The following PTPRG variants were observed in gnomAD, a reference collection of about 807,000 sequenced individuals.
PTPRG encodes protein tyrosine phosphatase receptor type G, also known as receptor-type tyrosine-protein phosphatase gamma.
A neutral mutation model predicts 165.3 loss-of-function variants in PTPRG; 102 were observed. The observed-to-expected ratio is 0.62, with a 90% CI of 0.53 to 0.73. The LOEUF (loss-of-function observed/expected upper bound fraction) is 0.73, where lower values mean the gene tolerates loss of function less well. Among genes scored for constraint, PTPRG ranks in the 30% least tolerant of loss-of-function variants. The pLI, the probability that PTPRG is intolerant of heterozygous loss-of-function variation, is 0.00. For synonymous variants in PTPRG, 675 were observed against 669.5 expected (o/e 1.01, Z -0.13); for missense variants, 1,866 against 1,861.4 (o/e 1.00, Z -0.05).
At chr3:62,100,050 G>C (rs1448398137) in intron 5 of PTPRG, among the ~76,000 whole-genome samples, 3 of 151,810 alleles carry the variant, frequency 2.0e-5, no homozygotes, top group African/African-American at 7.3e-5. Flanking sequence ...TCCCACCTTG[G>C]CCTCCCAAAG....
intron 1 of PTPRG, among the ~76,000 whole-genome samples, chr3:61,641,985 T>C (rs112233699): frequency 6.6e-6 from 1 of 152,100 alleles, no homozygotes; most frequent in Non-Finnish European, 1.5e-5. Flanking sequence ...CCCCCCAGCC[T>C]CCTCATCTGG....
At chr3:61,766,843 C>A (rs1025121115) in intron 2 of PTPRG, among the ~76,000 whole-genome samples, 1 of 151,774 alleles carries the variant, frequency 6.6e-6, no homozygotes, top group African/African-American at 2.4e-5. Context: ...TGGTCTCAAA[C>A]TCCTGATCTC....
chr3:62,075,893 G>C (rs911036027), intron 4 of PTPRG, among the ~76,000 whole-genome samples: 3 of 152,066 alleles, frequency 2.0e-5, no homozygotes, highest in Non-Finnish European at 2.9e-5. Context: ...TTTTCTGTAA[G>C]GAGTACCATC....
Position 62,001,435 on chromosome 3 carries a change from C to T in PTPRG, c.371-1914C>T, listed in dbSNP as rs114090908. On this transcript the variant is annotated intron_variant, in intron 3 of 29. Transcript: ENST00000474889. ...AACAGATGCAATCAAAACGTTTTGC[C>T]TTCGTCCTGTGGATGCAAAATGTTA... 4.9e-3 allele frequency among the ~76,000 whole-genome samples: 750 copies of T among 152,210 alleles called. 5 individuals are homozygous for T. The highest frequency in any genetic ancestry group is 0.016 in the African/African-American group (683 of 41,538).
At chr3:61,964,405 C>G (rs989464523) in intron 2 of PTPRG, among the ~76,000 whole-genome samples, 11 of 152,130 alleles carry the variant, frequency 7.2e-5, no homozygotes, top group Non-Finnish European at 1.5e-4. Context: ...AGATGGTTCT[C>G]TCAGCACTGT....
chr3:61,792,501 C>G (rs997246025), intron 2 of PTPRG, among the ~76,000 whole-genome samples: 12 of 152,232 alleles, frequency 7.9e-5, no homozygotes, highest in African/African-American at 2.9e-4. Flanking sequence ...GGCTTTACTT[C>G]TCCGTTGAGC....
intron 24 of PTPRG, 89 bp downstream of exon 24, chr3:62,276,055 G>C: frequency 1.1e-6 from 1 of 948,246 alleles, no homozygotes; most frequent in Non-Finnish European, 1.6e-6. Context: ...GCTATTGATA[G>C]CACCCTTCAA....
At chr3:62,215,965 C>T (rs983635209) in intron 12 of PTPRG, among the ~76,000 whole-genome samples, 4 of 152,102 alleles carry the variant, frequency 2.6e-5, no homozygotes, top group African/African-American at 7.2e-5. Flanking sequence ...CGCCTGTAAT[C>T]CCAGCACTTT....
chr3:61,879,738 A>G (rs1300130913), intron 2 of PTPRG, among the ~76,000 whole-genome samples: 1 of 152,170 alleles, frequency 6.6e-6, no homozygotes, highest in Non-Finnish European at 1.5e-5. Flanking sequence ...AATTGCTGTA[A>G]CTAGAACCTC....
chr3:61,907,093 T>C (rs1309891986), intron 2 of PTPRG, among the ~76,000 whole-genome samples: 3 of 152,284 alleles, frequency 2.0e-5, no homozygotes, highest in East Asian at 3.9e-4. Context: ...GGGTAACATA[T>C]TCTGTCACAG....
At chr3:62,037,024 A>G (rs1467087546) in intron 4 of PTPRG, among the ~76,000 whole-genome samples, 1 of 151,376 alleles carries the variant, frequency 6.6e-6, no homozygotes, top group East Asian at 1.9e-4. Context: ...TCCCTGATGT[A>G]CAAAAGCCAC....
intron 1 of PTPRG, among the ~76,000 whole-genome samples, chr3:61,656,877 C>T (rs1702523152): frequency 6.6e-6 from 1 of 152,178 alleles, no homozygotes. Context: ...TTGTTTCAGG[C>T]ACCCAGGATA....
At chr3:61,975,968 T>C (rs78673154) in intron 2 of PTPRG, among the ~76,000 whole-genome samples, 1,778 of 152,278 alleles carry the variant, frequency 0.012, 27 homozygotes, top group African/African-American at 0.04. Flanking sequence ...CCCACTGTCA[T>C]GTGTTGGATT....
chr3:61,720,091 T>G (rs2031984837), intron 1 of PTPRG, among the ~76,000 whole-genome samples: 1 of 152,156 alleles, frequency 6.6e-6, no homozygotes, highest in Non-Finnish European at 1.5e-5. Flanking sequence ...TCCGTCCTGC[T>G]TAGGGGGTAA....
chr3:61,700,219 T>A (rs918282950), intron 1 of PTPRG, among the ~76,000 whole-genome samples: 1 of 152,318 alleles, frequency 6.6e-6, no homozygotes, highest in East Asian at 1.9e-4. Context: ...CTCACATTGC[T>A]AGAACGATGC....
At chr3:61,934,679 G>A (rs2039442469) in intron 2 of PTPRG, among the ~76,000 whole-genome samples, 1 of 152,098 alleles carries the variant, frequency 6.6e-6, no homozygotes, top group South Asian at 2.1e-4. Context: ...TTTTAAGAGT[G>A]TGTGCTGCTC....
intron 2 of PTPRG, among the ~76,000 whole-genome samples, chr3:61,837,150 T>A (rs1184047664): frequency 6.6e-6 from 1 of 152,236 alleles, no homozygotes; most frequent in Non-Finnish European, 1.5e-5. Flanking sequence ...TGACCTCAGG[T>A]GATCCGCCTG....
rs1472110748 is a variant in PTPRG at position 62,275,870 on chromosome 3, C to T, written c.3466-3C>T. ...GAAGACTAAAATGTTTTTTCTTTTT[C>T]AGCTGGTCACACAGTGTAATGCAAA... On this transcript the variant is annotated splice_polypyrimidine_tract_variant and splice_region_variant and intron_variant, in intron 23 of 29. Transcript: ENST00000474889. 3.1e-6 allele frequency: 5 copies of T among 1,590,818 alleles called. No individual in the cohort carries two copies. Among genetic ancestry groups the T allele is most frequent in the East Asian group, 2.2e-5 (1 of 44,590 alleles).
chr3:61,779,568 A>G (rs528861937), intron 2 of PTPRG, among the ~76,000 whole-genome samples: 2 of 152,252 alleles, frequency 1.3e-5, no homozygotes, highest in African/African-American at 4.8e-5. Flanking sequence ...GGTTATGTGA[A>G]TGGTCCTTTA....
Sources: gnomAD v4.1 joint callset for allele counts (sites outside exome capture counted in the v4.1 genomes callset) on GRCh38, gnomAD v4.1.1 for gene constraint, MANE v1.5 for transcripts, NCBI Gene and HGNC (gene_info 2026-07-23, HGNC 2026-07-21) for gene names.